EPS15L1: variants seen among roughly 807,000 people sequenced by gnomAD.
The protein encoded by EPS15L1 is epidermal growth factor receptor pathway substrate 15 like 1, also known as epidermal growth factor receptor substrate 15-like 1.
Under a neutral mutation model 117.1 loss-of-function variants are expected in EPS15L1, and 43 were observed. The ratio of observed to expected loss-of-function variants is 0.37; its 90% CI spans 0.29 to 0.47. EPS15L1 has a LOEUF of 0.47. Ranked by LOEUF, EPS15L1 falls within the 20% of genes least tolerant of loss-of-function variation. The pLI, the probability that EPS15L1 is intolerant of heterozygous loss-of-function variation, is 0.99. For missense variants in EPS15L1, 981 were observed against 1,164.0 expected, an observed-to-expected ratio of 0.84 and a Z score of 2.29; for synonymous variants, 459 against 470.5, an observed-to-expected ratio of 0.98 and a Z score of 0.32.
chr19:16,436,727 C>CCA (rs1373679730), intron 6 of EPS15L1: 5 of 491,298 alleles, frequency 1.0e-5, no homozygotes, highest in Non-Finnish European at 1.8e-5. Context: ...CAGTGAAGGG[C>CCA]CACAGCCTTT....
chr19:16,374,754 T>C (rs983985322), intron 22 of EPS15L1, among the ~76,000 whole-genome samples: 2 of 152,228 alleles, frequency 1.3e-5, no homozygotes, highest in African/African-American at 4.8e-5. Context: ...AATACGGCAC[T>C]GCTCGGCAAG....
intron 12 of EPS15L1, 22 bp from the exon 13 acceptor site, chr19:16,413,867 A>G: frequency 6.3e-7 from 1 of 1,588,182 alleles, no homozygotes; most frequent in Non-Finnish European, 8.6e-7. Flanking sequence ...AAAATATTTC[A>G]TGAAAACAAG....
intron 6 of EPS15L1, 55 bp from the exon 7 acceptor site, chr19:16,434,545 C>T (rs1287641690): frequency 6.3e-7 from 1 of 1,576,450 alleles, no homozygotes; most frequent in Non-Finnish European, 8.6e-7. Context: ...TGTGAATGTC[C>T]AGACCGAGCT....
intron 1 of EPS15L1, among the ~76,000 whole-genome samples, chr19:16,447,828 G>A (rs987830774): frequency 6.6e-6 from 1 of 152,010 alleles, no homozygotes; most frequent in Non-Finnish European, 1.5e-5. Flanking sequence ...GAAAGAGTCA[G>A]TCTACCTGAT....
intron 1 of EPS15L1, among the ~76,000 whole-genome samples, chr19:16,460,257 C>A (rs191094577): frequency 2.0e-4 from 31 of 152,288 alleles, no homozygotes; most frequent in Admixed American, 6.5e-4. Flanking sequence ...GCACTCCAAC[C>A]TGGGCGACAG....
At chr19:16,465,478 T>C (rs1168814879) in intron 1 of EPS15L1, among the ~76,000 whole-genome samples, 1 of 150,886 alleles carries the variant, frequency 6.6e-6, no homozygotes, top group Non-Finnish European at 1.5e-5. Flanking sequence ...AGGTCAGGAG[T>C]TCGAAACCAG....
intron 13 of EPS15L1, chr19:16,412,632 A>AAT (rs111429751): frequency 4.5e-4 from 65 of 145,216 alleles, no homozygotes; most frequent in East Asian, 8.0e-4. Flanking sequence ...TATTTGGAAA[A>AAT]ATATATATAT....
intron 13 of EPS15L1, among the ~76,000 whole-genome samples, chr19:16,411,564 C>T (rs2092705858): frequency 6.6e-6 from 1 of 152,194 alleles, no homozygotes; most frequent in Admixed American, 6.5e-5. Flanking sequence ...CACTTTAATA[C>T]AGCACATTTG....
At chr19:16,363,832 C>T (rs1444835136) in intron 22 of EPS15L1, among the ~76,000 whole-genome samples, 1 of 152,208 alleles carries the variant, frequency 6.6e-6, no homozygotes, top group African/African-American at 2.4e-5. Flanking sequence ...TCTCAACCGG[C>T]AGTTCTGGGC....
intron 1 of EPS15L1, among the ~76,000 whole-genome samples, chr19:16,463,965 A>G (rs80222503): frequency 0.041 from 6,313 of 152,322 alleles, 167 homozygotes; most frequent in African/African-American, 0.082. Context: ...AGATGACAGA[A>G]AGAGGGGCCA....
chr19:16,430,126 T>TTC (rs2092913370), intron 7 of EPS15L1, among the ~76,000 whole-genome samples: 2 of 152,190 alleles, frequency 1.3e-5, no homozygotes, highest in South Asian at 4.1e-4. Flanking sequence ...ATGCCCAGAC[T>TTC]TCTACCAGAG....
chr19:16,393,103 TAATAATAA>T (rs1431314486), intron 18 of EPS15L1, among the ~76,000 whole-genome samples: 2 of 147,940 alleles, frequency 1.4e-5, no homozygotes, highest in South Asian at 2.1e-4. Context: ...ATAATAATAA[TAATAATAA>T]TAATAATAAT....
intron 4 of EPS15L1, among the ~76,000 whole-genome samples, chr19:16,439,414 G>A (rs1037320833): frequency 2.0e-5 from 3 of 152,098 alleles, no homozygotes; most frequent in Admixed American, 2.0e-4. Context: ...ACATGAGGCC[G>A]GGCACGGTGG....
chr19:16,461,323 GAA>G (rs2093249342), intron 1 of EPS15L1, among the ~76,000 whole-genome samples: 1 of 124,490 alleles, frequency 8.0e-6, no homozygotes, highest in Non-Finnish European at 1.8e-5. Flanking sequence ...AAAAAAAAAA[GAA>G]AGAAAGAAAA....
chr19:16,449,903 A>G (rs1422936484), intron 1 of EPS15L1, among the ~76,000 whole-genome samples: 3 of 152,334 alleles, frequency 2.0e-5, no homozygotes, highest in South Asian at 4.1e-4. Flanking sequence ...CAAACCTCAA[A>G]GGTTACATAC....
rs202216301 is a variant in EPS15L1 at position 16,417,466 on chromosome 19, CAGGTG to C, written c.1193+81_1193+85del. Reference sequence around the variant, plus strand: ...AATAAACCTGTGATGAGCAAACTTCCAGGTGAGCCTCTGATATTTCCGATAACAAC... The same window carrying C: ...AATAAACCTGTGATGAGCAAACTTCCAGCCTCTGATATTTCCGATAACAAC... On this transcript the variant is annotated intron_variant, in intron 12 of 23. Coordinates refer to ENST00000455140, the MANE Select transcript of EPS15L1 (RefSeq NM_001258374.3). 9.4e-6 allele frequency: 11 copies of C among 1,173,774 alleles called. No homozygotes were observed. The Admixed American group carries it at 9.7e-5, about 10-fold the overall frequency. The allele number at this position is 1,173,774 out of a possible 1,614,324, so 72.7% of individuals were successfully genotyped here. A position where few individuals can be genotyped will look rare whatever the true frequency, so the allele number is the denominator to read the frequency against.
Position 16,365,349 on chromosome 19 carries a change from T to TA in EPS15L1, c.2381-3366dup, listed in dbSNP as rs2092118638. On this transcript the variant is annotated intron_variant, in intron 22 of 23. Transcript: ENST00000455140. This position sits in a 1 kb window ranked among gnomAD's most constrained non-coding sequence, Gnocchi z 4.9. ...AGCATATTTAAAGGGGTAACTGAGT[T>TA]AAAACGAAGTCAAAGGATCAATGAC... 6.6e-6 allele frequency among the ~76,000 whole-genome samples: 1 copy of TA among 152,106 alleles called. No individual in the cohort carries two copies. Among genetic ancestry groups the TA allele is most frequent in the African/African-American group, 2.4e-5 (1 of 41,390 alleles).
intron 1 of EPS15L1, among the ~76,000 whole-genome samples, chr19:16,463,929 G>A (rs1414899552): frequency 6.6e-6 from 1 of 152,248 alleles, no homozygotes; most frequent in Non-Finnish European, 1.5e-5. Context: ...CAAACGCCTT[G>A]AGGCAAGATG....
intron 16 of EPS15L1, among the ~76,000 whole-genome samples, chr19:16,398,858 A>G (rs1406322819): frequency 1.3e-5 from 2 of 152,076 alleles, no homozygotes; most frequent in Non-Finnish European, 1.5e-5. Context: ...TAGACACCCA[A>G]TCAGCATAGC....
Sources: gnomAD v4.1 joint callset for allele counts (sites outside exome capture counted in the v4.1 genomes callset) on GRCh38, gnomAD v4.1.1 for gene constraint, Gnocchi (gnomAD v3.1) non-coding constraint, MANE v1.5 for transcripts, NCBI Gene and HGNC (gene_info 2026-07-23, HGNC 2026-07-21) for gene names.